AGMO: variants seen among roughly 807,000 people sequenced by gnomAD.
The protein encoded by AGMO is glyceryl-ether monooxygenase.
In AGMO, 75 loss-of-function variants were observed where a neutral mutation model predicts 60.2. That is an observed-to-expected ratio of 1.25 (90% CI 1.03 to 1.51). AGMO has a LOEUF of 1.51. Among genes scored for constraint, AGMO ranks in the 40% most tolerant of loss-of-function variants. The pLI is 0.00. For synonymous variants in AGMO, 261 were observed against 177.1 expected (o/e 1.47, Z -3.76); for missense variants, 763 against 525.5 (o/e 1.45, Z -4.42).
chr7:15,186,459 G>A, the AGMO span, among the ~76,000 whole-genome samples: 1 of 152,076 alleles, frequency 6.6e-6, no homozygotes, highest in African/African-American at 2.4e-5. Context: ...TGGGTTAAGA[G>A]GAGGCCTGTA....
chr7:15,206,301 C>T (rs1043407966), intron 12 of AGMO, among the ~76,000 whole-genome samples: 2 of 151,814 alleles, frequency 1.3e-5, no homozygotes, highest in South Asian at 4.1e-4. Context: ...TGCCAACTTA[C>T]AAGAAATTGA....
intron 12 of AGMO, among the ~76,000 whole-genome samples, chr7:15,281,184 C>G (rs959416386): frequency 4.6e-5 from 7 of 152,082 alleles, no homozygotes; most frequent in South Asian, 2.1e-4. Flanking sequence ...AGCAGAGACA[C>G]AGGTGCAGTG....
intron 12 of AGMO, among the ~76,000 whole-genome samples, chr7:15,362,084 C>G (rs73300332): frequency 0.018 from 2,686 of 152,206 alleles, 70 homozygotes; most frequent in African/African-American, 0.06. Context: ...TTCATATTGA[C>G]TGGAGTCACT....
At chr7:15,406,952 C>T (rs1288932649) in intron 5 of AGMO, among the ~76,000 whole-genome samples, 3 of 138,036 alleles carry the variant, frequency 2.2e-5, no homozygotes, top group Non-Finnish European at 4.7e-5. Flanking sequence ...CACACACACA[C>T]GTATATTCCA....
chr7:15,355,902 C>G (rs1036611838), intron 12 of AGMO, among the ~76,000 whole-genome samples: 1 of 151,808 alleles, frequency 6.6e-6, no homozygotes, highest in African/African-American at 2.4e-5. Flanking sequence ...TTCTAAAAAT[C>G]AAGAAAAAGA....
chr7:15,214,265 G>A (rs1240875678), intron 12 of AGMO, among the ~76,000 whole-genome samples: 2 of 151,984 alleles, frequency 1.3e-5, no homozygotes, highest in Admixed American at 6.6e-5. Context: ...AAGTATCTTT[G>A]TAGCTGAAAA....
chr7:15,323,017 ATT>A (rs34726831), intron 12 of AGMO, among the ~76,000 whole-genome samples: 1 of 149,086 alleles, frequency 6.7e-6, no homozygotes. Flanking sequence ...AAGAAAGGAA[ATT>A]TTGTAGGTCG....
At chr7:15,484,145 C>G (rs1562530211) in intron 3 of AGMO, among the ~76,000 whole-genome samples, 1 of 151,426 alleles carries the variant, frequency 6.6e-6, no homozygotes, top group African/African-American at 2.4e-5. Context: ...TATATTTTCA[C>G]AAAAAAGACA....
At chr7:15,549,976 A>G (rs1322601979) in intron 2 of AGMO, among the ~76,000 whole-genome samples, 2 of 150,926 alleles carry the variant, frequency 1.3e-5, no homozygotes, top group Non-Finnish European at 3.0e-5. Context: ...CTCTCAGACC[A>G]CAGTGCAATC....
At chr7:15,371,545 C>G (rs1477719306) in intron 10 of AGMO, among the ~76,000 whole-genome samples, 4 of 152,094 alleles carry the variant, frequency 2.6e-5, no homozygotes, top group African/African-American at 9.7e-5. Context: ...CACCTACCAC[C>G]TTACATACCC....
chr7:15,436,758 G>C (rs543940346), intron 3 of AGMO, among the ~76,000 whole-genome samples: 1 of 151,992 alleles, frequency 6.6e-6, no homozygotes, highest in East Asian at 1.9e-4. Context: ...TTTGGATTTT[G>C]TTTTAATCCT....
intron 6 of AGMO, among the ~76,000 whole-genome samples, chr7:15,393,176 C>G (rs1336705156): frequency 1.3e-5 from 2 of 152,138 alleles, no homozygotes; most frequent in African/African-American, 4.8e-5. Context: ...CCGCCTGTGC[C>G]CTCTGATCTG....
intron 3 of AGMO, among the ~76,000 whole-genome samples, chr7:15,488,290 T>C (rs1782973908): frequency 6.6e-6 from 1 of 152,234 alleles, no homozygotes; most frequent in South Asian, 2.1e-4. Flanking sequence ...CAAAATTCTT[T>C]TTTAAAAATT....
At chr7:15,344,289 A>G (rs181790479) in intron 12 of AGMO, among the ~76,000 whole-genome samples, 19 of 152,336 alleles carry the variant, frequency 1.2e-4, no homozygotes, top group African/African-American at 4.6e-4. Context: ...CTTTTCTCCA[A>G]AAAGCTAAAG....
intron 3 of AGMO, among the ~76,000 whole-genome samples, chr7:15,444,170 T>C (rs1251671913): frequency 3.3e-5 from 5 of 152,202 alleles, no homozygotes; most frequent in African/African-American, 7.2e-5. Flanking sequence ...ATTAAACATA[T>C]GCTAATCAGG....
intron 12 of AGMO, among the ~76,000 whole-genome samples, chr7:15,361,679 A>G (rs1485146226): frequency 6.6e-6 from 1 of 152,086 alleles, no homozygotes; most frequent in Non-Finnish European, 1.5e-5. Flanking sequence ...CAACATAACC[A>G]CTAATGAAGT....
rs549098536 is a variant in AGMO, at chr7:15,468,901, G to T, written c.410-37793C>A. 7.6e-4 allele frequency among the ~76,000 whole-genome samples: 115 copies of T among 152,026 alleles called. No individual in the cohort carries two copies. The Middle Eastern group carries it at 0.01, about 13-fold the overall frequency. On this transcript the variant is annotated intron_variant, in intron 3 of 12. Transcript: ENST00000342526. ...TTTCATTAAAATGCTGCTCTTGTTG[G>T]TTTTTTCCAATATCTACTTTTATAT...
intron 3 of AGMO, among the ~76,000 whole-genome samples, chr7:15,500,485 C>G (rs1433064239): frequency 1.3e-5 from 2 of 151,578 alleles, no homozygotes; most frequent in Non-Finnish European, 3.0e-5. Context: ...AGTATCGATT[C>G]ATGTGCTGTA....
downstream of AGMO, among the ~76,000 whole-genome samples, chr7:15,197,042 C>T (rs10275070): frequency 0.011 from 1,705 of 148,406 alleles, 25 homozygotes; most frequent in African/African-American, 0.041. Context: ...ATGAATAGAA[C>T]GTTTTTTGTT....
Sources: allele counts gnomAD v4.1 joint callset (sites outside exome capture counted in the v4.1 genomes callset), GRCh38; gene constraint gnomAD v4.1.1; transcripts MANE v1.5; gene names NCBI Gene and HGNC (gene_info 2026-07-23, HGNC 2026-07-21).